The following NDUFAF3 variants were observed in gnomAD, a reference collection of about 807,000 sequenced individuals.
The protein encoded by NDUFAF3 is NADH dehydrogenase [ubiquinone] 1 alpha subcomplex assembly factor 3.
NDUFAF3 carries 21 observed loss-of-function variants against 22.6 expected under a neutral mutation model. The ratio of observed to expected loss-of-function variants is 0.93; its 90% CI spans 0.66 to 1.34. The LOEUF (loss-of-function observed/expected upper bound fraction) is 1.34. Ranked by LOEUF, NDUFAF3 falls within the 40% of genes most tolerant of loss-of-function variation. NDUFAF3 has a pLI of 0.00. For missense variants in NDUFAF3, 251 were observed against 248.4 expected, an observed-to-expected ratio of 1.01 and a Z score of -0.07; for synonymous variants, 113 against 104.9, an observed-to-expected ratio of 1.08 and a Z score of -0.47.
chr3:49,021,671 C>T (rs2093158845), upstream of NDUFAF3: 3 of 173,554 alleles, frequency 1.7e-5, no homozygotes, highest in South Asian at 1.1e-4. The surrounding 1 kb of genome is among the most constrained non-coding windows in gnomAD (Gnocchi z 4.1). Context: ...CCGCGTCTAG[C>T]CGGAGAAACT....
chr3:49,021,298 C>T (rs1353658974), upstream of NDUFAF3: 1 of 152,424 alleles, frequency 6.6e-6, no homozygotes, highest in Non-Finnish European at 1.5e-5. The surrounding 1 kb of genome is among the most constrained non-coding windows in gnomAD (Gnocchi z 4.1). Flanking sequence ...ATGCCCAAAC[C>T]CCGCGCGGGG....
At chr3:49,020,972 CGGT>C (rs1254142190), upstream of NDUFAF3, 4 of 165,126 alleles carry the variant, frequency 2.4e-5, no homozygotes, top group African/African-American at 9.6e-5. Context: ...GGTGCGGTGA[CGGT>C]GGTGGGGCGG....
rs756601727 is a variant in NDUFAF3 at position 49,022,455 on chromosome 3, T to G, written c.187T>G (p.Tyr63Asp). The G allele has an allele frequency of 1.9e-6, 3 of 1,612,900 alleles. No homozygotes were observed. Among genetic ancestry groups the G allele is most frequent in the Non-Finnish European group, 2.5e-6 (3 of 1,179,984 alleles). Reference sequence around the variant, plus strand: ...CGCTCAGGCAATGTACATCGACAGCTACAACAGCCGCGGCTTCATGATAAA... The same window carrying G: ...CGCTCAGGCAATGTACATCGACAGCGACAACAGCCGCGGCTTCATGATAAA... ...EAAQAMYIDSYNSRGFMINGN... is the reference protein window; with the variant it reads ...EAAQAMYIDSDNSRGFMINGN... Residue 63 changes from tyrosine (Y) to aspartate (D), a missense_variant, in exon 2 of 5, where the codon TAC becomes GAC. Transcript: ENST00000326925. This position sits in a 1 kb window ranked among gnomAD's most constrained non-coding sequence, Gnocchi z 6.6.
upstream of NDUFAF3, chr3:49,020,468 G>C (rs1212096800): frequency 2.6e-6 from 1 of 385,032 alleles, no homozygotes; most frequent in African/African-American, 2.1e-5. Flanking sequence ...CCTCCCCAGG[G>C]TTCCAGAGAT....
upstream of NDUFAF3, chr3:49,022,086 G>C: frequency 1.1e-5 from 17 of 1,547,884 alleles, no homozygotes; most frequent in Non-Finnish European, 1.5e-5. This position sits in a 1 kb window ranked among gnomAD's most constrained non-coding sequence, Gnocchi z 6.6. Context: ...GCTCCGCAGG[G>C]CCCTCCCAAC....
Position 49,023,085 on chromosome 3 carries a change from G to A in NDUFAF3, c.468G>A (p.Leu156=). 2.5e-6 allele frequency: 4 copies of A among 1,614,168 alleles called. No individual in the cohort carries two copies. Among genetic ancestry groups the A allele is most frequent in the African/African-American group, 1.3e-5 (1 of 75,034 alleles). Reference sequence around the variant, plus strand: ...ATGCCTGTGCCACCTTCAACTTCCTGTGTCATGAAGGCCGAGTAACTGGAG... The same window carrying A: ...ATGCCTGTGCCACCTTCAACTTCCTATGTCATGAAGGCCGAGTAACTGGAG... ...TPNACATFNF[L]CHEGRVTGAA... is the part of the protein sequence containing the mutation. Residue 156 remains leucine (L), a synonymous_variant, in exon 5 of 5, where the codon CTG becomes CTA. Transcript: ENST00000326925.
rs1206415663 is a variant in NDUFAF3 at position 49,022,456 on chromosome 3, A to G, written c.188A>G (p.Tyr63Cys). The G allele has an allele frequency of 6.2e-7, 1 of 1,612,878 alleles. No individual in the cohort carries two copies. Among genetic ancestry groups the G allele is most frequent in the Non-Finnish European group, 8.5e-7 (1 of 1,179,992 alleles). The stretch of plus-strand genomic sequence containing the variant: ...GCTCAGGCAATGTACATCGACAGCT[A>G]CAACAGCCGCGGCTTCATGATAAAC... ...EAAQAMYIDSYNSRGFMINGN... is the reference protein window; with the variant it reads ...EAAQAMYIDSCNSRGFMINGN... The change falls in exon 2 of 5, where the codon TAC becomes TGC. Residue 63 changes from tyrosine to cysteine, a missense_variant. Transcript: ENST00000326925. This position sits in a 1 kb window ranked among gnomAD's most constrained non-coding sequence, Gnocchi z 6.6.
chr3:49,022,893 A>T lies in NDUFAF3; in HGVS notation c.355A>T (p.Thr119Ser). 1 of 1,613,974 alleles carries T rather than the reference A, an allele frequency of 6.2e-7. No individual in the cohort carries two copies. Among genetic ancestry groups the T allele is most frequent in the Middle Eastern group, 1.6e-4 (1 of 6,062 alleles). Residue 119 changes from threonine (T) to serine (S), a missense_variant, in exon 4 of 5, where the codon ACT becomes TCT. Coordinates refer to ENST00000326925, the MANE Select transcript of NDUFAF3 (RefSeq NM_199069.2). This position sits in a 1 kb window ranked among gnomAD's most constrained non-coding sequence, Gnocchi z 6.6. ...TTCCCTAGAGATCGTGGTGGTGGGG[A>T]CTGGAGACCGGACCGAGAGGCTGCA... is the stretch of plus-strand genomic sequence containing the variant. ...EPRIEIVVVG[T>S]GDRTERLQSQ...
At position 49,022,607 on chromosome 3, in the gene NDUFAF3, CA is replaced by C; in HGVS notation, c.270+72del. 1.9e-6 allele frequency: 3 copies of C among 1,613,250 alleles called. No individual in the cohort carries two copies. The highest frequency in any genetic ancestry group is 2.5e-6 in the Non-Finnish European group (3 of 1,179,456). The stretch of plus-strand genomic sequence containing the variant: ...AGGCCCTCACCCTGCTTGGTCCCTG[CA>C]AACTTGGCTTTCCTCTGTCTCCTCC... On this transcript the variant is annotated intron_variant, in intron 2 of 4. Coordinates refer to ENST00000326925, the MANE Select transcript of NDUFAF3 (RefSeq NM_199069.2). This position sits in a 1 kb window ranked among gnomAD's most constrained non-coding sequence, Gnocchi z 6.6.
upstream of NDUFAF3, chr3:49,020,721 CGG>C (rs761775580): frequency 4.2e-6 from 2 of 477,610 alleles, no homozygotes; most frequent in Admixed American, 4.6e-5. Context: ...TGGCGGGGGG[CGG>C]GGGAGCTCCT....
Position 49,022,605 on chromosome 3 carries a change from T to G in NDUFAF3, c.270+67T>G. On this transcript the variant is annotated intron_variant, in intron 2 of 4. Coordinates refer to ENST00000326925, the MANE Select transcript of NDUFAF3 (RefSeq NM_199069.2). The surrounding 1 kb of genome is among the most constrained non-coding windows in gnomAD (Gnocchi z 6.6). ...ACAGGCCCTCACCCTGCTTGGTCCC[T>G]GCAAACTTGGCTTTCCTCTGTCTCC... The G allele has an allele frequency of 1.2e-6, 2 of 1,613,324 alleles. No homozygotes were observed. The highest frequency in any genetic ancestry group is 1.7e-6 in the Non-Finnish European group (2 of 1,179,532).
chr3:49,022,384 A>T lies in NDUFAF3; in HGVS notation c.116A>T (p.Asp39Val). The change falls in exon 2 of 5, where the codon GAC becomes GTC. Residue 39 changes from aspartate to valine, a missense_variant. Asp to Val is a radical substitution (Grantham distance 152). Transcript: ENST00000326925. This position sits in a 1 kb window ranked among gnomAD's most constrained non-coding sequence, Gnocchi z 6.6. Reference protein sequence around the residue: ...RRGHRLSPADDELYQRTRISL... With the variant: ...RRGHRLSPADVELYQRTRISL... The stretch of plus-strand genomic sequence containing the variant: ...GGGCATCGGCTCTCGCCGGCGGATG[A>T]CGAGCTGTATCAGCGGACGCGCATC... 1 of 1,612,736 alleles carries T rather than the reference A, an allele frequency of 6.2e-7. No individual in the cohort carries two copies. Among genetic ancestry groups the T allele is most frequent in the African/African-American group, 1.3e-5 (1 of 75,068 alleles).
In NDUFAF3 at chr3:49,022,135, T is replaced by C; in HGVS notation, c.-10T>C. Reference sequence around the variant, plus strand: ...GCGCCGGTGACGACTTCGCCGCGCGTTGGTCAGCCATGGCCACCGCTCTCG... The same window carrying C: ...GCGCCGGTGACGACTTCGCCGCGCGCTGGTCAGCCATGGCCACCGCTCTCG... On this transcript the variant is annotated 5_prime_UTR_variant, in exon 1 of 5. Transcript: ENST00000326925. The surrounding 1 kb of genome is among the most constrained non-coding windows in gnomAD (Gnocchi z 6.6). 6.2e-7 allele frequency: 1 copy of C among 1,606,636 alleles called. No individual in the cohort carries two copies. Among genetic ancestry groups the C allele is most frequent in the East Asian group, 2.2e-5 (1 of 44,672 alleles).
At position 49,022,828 on chromosome 3, in the gene NDUFAF3, G is replaced by T. The variant is rs1490448363; in HGVS notation, c.338-48G>T. Reference sequence around the variant, plus strand: ...TGGGCCCCAGAAGGCGACCCCCACTGCAGCCTCTCAACAGAACTGTAGACT... The same window carrying T: ...TGGGCCCCAGAAGGCGACCCCCACTTCAGCCTCTCAACAGAACTGTAGACT... On this transcript the variant is annotated intron_variant, in intron 3 of 4. Coordinates refer to ENST00000326925, the MANE Select transcript of NDUFAF3 (RefSeq NM_199069.2). This position sits in a 1 kb window ranked among gnomAD's most constrained non-coding sequence, Gnocchi z 6.6. The T allele has an allele frequency of 1.9e-6, 3 of 1,613,284 alleles. No homozygotes were observed.
rs933957288 is a variant in NDUFAF3, at chr3:49,023,285, C to T, written c.*113C>T. Reference sequence around the variant, plus strand: ...TCAACATAATAATTTATACACTTCTCCCATTTTGTATCAGGTGTGTTGCTG... The same window carrying T: ...TCAACATAATAATTTATACACTTCTTCCATTTTGTATCAGGTGTGTTGCTG... On this transcript the variant is annotated 3_prime_UTR_variant, in exon 5 of 5. Coordinates refer to ENST00000326925, the MANE Select transcript of NDUFAF3 (RefSeq NM_199069.2). 2.2e-6 allele frequency: 2 copies of T among 899,848 alleles called. No homozygotes were observed. The highest frequency in any genetic ancestry group is 3.2e-4 in the Middle Eastern group (1 of 3,126). The allele number at this position is 899,848 out of a possible 1,614,324, so 55.7% of individuals were successfully genotyped here.
At position 49,022,710 on chromosome 3, in the gene NDUFAF3, C is replaced by T. The variant is rs149926218; in HGVS notation, c.279C>T (p.Ser93=). 6.2e-7 allele frequency: 1 copy of T among 1,614,066 alleles called. No homozygotes were observed. Among genetic ancestry groups the T allele is most frequent in the Non-Finnish European group, 8.5e-7 (1 of 1,180,022 alleles). ...PHSVVQWNVG[S]HQDITEDSFS... is the part of the protein sequence containing the mutation. ...GCCTCCTCCCTGCACAGGTGGGATC[C>T]CACCAGGACATCACCGAAGACAGCT... is the stretch of plus-strand genomic sequence containing the variant. Residue 93 remains serine, a synonymous_variant, in exon 3 of 5, where the codon TCC becomes TCT. Transcript: ENST00000326925. This position sits in a 1 kb window ranked among gnomAD's most constrained non-coding sequence, Gnocchi z 6.6.
At position 49,022,351 on chromosome 3, in the gene NDUFAF3, C is replaced by G; in HGVS notation, c.83C>G (p.Pro28Arg). 6.2e-7 allele frequency: 1 copy of G among 1,611,828 alleles called. No homozygotes were observed. Among genetic ancestry groups the G allele is most frequent in the Non-Finnish European group, 8.5e-7 (1 of 1,179,894 alleles). Residue 28 changes from proline to arginine, a missense_variant, in exon 2 of 5, where the codon CCG becomes CGG. Transcript: ENST00000326925. The surrounding 1 kb of genome is among the most constrained non-coding windows in gnomAD (Gnocchi z 6.6). ...RCPPVELPWA[P>R]RRGHRLSPAD... ...CTGACCCTTTCCCTCCGCAGGGCCC[C>G]GCGGCGAGGGCATCGGCTCTCGCCG...
In NDUFAF3 at chr3:49,023,396, C is replaced by T; in HGVS notation, c.*224C>T. 1 of 593,646 alleles carries T rather than the reference C, an allele frequency of 1.7e-6. No individual in the cohort carries two copies. Among genetic ancestry groups the T allele is most frequent in the Non-Finnish European group, 3.0e-6 (1 of 330,346 alleles). 36.8% of individuals were successfully genotyped at this position (593,646 alleles called of 1,614,324 possible). ...TTTTTCATCTAGATTACTTAGGATT[C>T]CTTGACTTTTCAGAAGTCGGGAAGC... is the stretch of plus-strand genomic sequence containing the variant. On this transcript the variant is annotated 3_prime_UTR_variant, in exon 5 of 5. Transcript: ENST00000326925.
Position 49,023,065 on chromosome 3 carries a change from T to C in NDUFAF3, c.448T>C (p.Cys150Arg), listed in dbSNP as rs1216989939. 1.2e-6 allele frequency: 2 copies of C among 1,614,188 alleles called. No homozygotes were observed. Among genetic ancestry groups the C allele is most frequent in the Admixed American group, 3.3e-5 (2 of 60,034 alleles). The change falls in exon 5 of 5, where the codon TGT becomes CGT. Residue 150 changes from cysteine (C) to arginine (R), a missense_variant. Cys to Arg is a radical substitution (Grantham distance 180). Coordinates refer to ENST00000326925, the MANE Select transcript of NDUFAF3 (RefSeq NM_199069.2). The stretch of plus-strand genomic sequence containing the variant: ...GGCCTTTTCTTTGCAGCCCAATGCC[T>C]GTGCCACCTTCAACTTCCTGTGTCA... ...AVEVQDTPNA[C>R]ATFNFLCHEG...
Sources: gnomAD v4.1 joint callset for allele counts on GRCh38, gnomAD v4.1.1 for gene constraint, Gnocchi (gnomAD v3.1) non-coding constraint, MANE v1.5 for transcripts, NCBI Gene and HGNC (gene_info 2026-07-23, HGNC 2026-07-21) for gene names.